Variants in PKP4 observed in about 807,000 individuals in gnomAD.
PKP4 encodes plakophilin-4.
PKP4 carries 90 observed loss-of-function variants against 145.1 expected under a neutral mutation model. The observed-to-expected ratio is 0.62, with a 90% CI of 0.52 to 0.74. PKP4 has a LOEUF of 0.74. Among genes scored for constraint, PKP4 ranks in the 30% least tolerant of loss-of-function variants. The probability of loss-of-function intolerance (pLI) is 0.00; values close to 1 mark genes in which losing one functional copy is unlikely to be tolerated. For synonymous variants in PKP4, 563 were observed against 577.2 expected, an observed-to-expected ratio of 0.98 and a Z score of 0.35; for missense variants, 1,340 against 1,482.7, an observed-to-expected ratio of 0.90 and a Z score of 1.58.
At chr2:158,676,039 C>A (rs1463064440) in intron 19 of PKP4, among the ~76,000 whole-genome samples, 1 of 152,078 alleles carries the variant, frequency 6.6e-6, no homozygotes, top group Non-Finnish European at 1.5e-5. Context: ...AGGATAGATA[C>A]GGTGTTACTA....
chr2:158,474,640 C>T (rs1692162039), intron 1 of PKP4, among the ~76,000 whole-genome samples: 2 of 152,114 alleles, frequency 1.3e-5, no homozygotes, highest in South Asian at 4.1e-4. Context: ...TCACCAGTGC[C>T]CTAAGGAAGA....
chr2:158,521,504 C>T lies in PKP4; in HGVS notation c.-5-11676C>T, dbSNP rs1168531245. ...CTACTATGCTGTTTGGCACAGAGCTCTCTTCTAAACAAATTCTTGCCAAGA... is the reference window on the plus strand; with the variant it reads ...CTACTATGCTGTTTGGCACAGAGCTTTCTTCTAAACAAATTCTTGCCAAGA... On this transcript the variant is annotated intron_variant, in intron 1 of 21. Transcript: ENST00000389759. Among the ~76,000 whole-genome samples the T allele has an allele frequency of 3.3e-5, 5 of 152,288 alleles. No homozygotes were observed. The South Asian group carries it at 8.3e-4, about 25-fold the overall frequency.
At chr2:158,477,715 C>T (rs1692704018) in intron 1 of PKP4, among the ~76,000 whole-genome samples, 1 of 152,192 alleles carries the variant, frequency 6.6e-6, no homozygotes, top group African/African-American at 2.4e-5. Flanking sequence ...CATGATGGCA[C>T]ATGCCTGTAA....
intron 2 of PKP4, among the ~76,000 whole-genome samples, chr2:158,570,106 A>G (rs892488760): frequency 5.3e-5 from 8 of 152,212 alleles, no homozygotes; most frequent in African/African-American, 1.9e-4. Flanking sequence ...ATGGTTTATC[A>G]GTTATTAAGT....
Position 158,574,513 on chromosome 2 carries a change from G to C in PKP4, c.133-2758G>C, listed in dbSNP as rs181972385. ...CTGTCCTCATCAGTCAGTCAAAGAG[G>C]CCAGTAGAGACTGAATTATCAAATA... is the stretch of plus-strand genomic sequence containing the variant. On this transcript the variant is annotated intron_variant, in intron 2 of 21. Transcript: ENST00000389759. Among the ~76,000 whole-genome samples the C allele has an allele frequency of 3.3e-5, 5 of 152,292 alleles. No individual in the cohort carries two copies. In the East Asian group the frequency reaches 5.8e-4, roughly 18 times the overall value.
At chr2:158,528,150 T>G (rs369184410) in intron 1 of PKP4, among the ~76,000 whole-genome samples, 1 of 141,968 alleles carries the variant, frequency 7.0e-6, no homozygotes, top group Non-Finnish European at 1.5e-5. Context: ...TATACCCAAA[T>G]GACTGTAAAT....
chr2:158,516,948 A>C (rs1461614530), intron 1 of PKP4, among the ~76,000 whole-genome samples: 3 of 152,178 alleles, frequency 2.0e-5, no homozygotes, highest in African/African-American at 7.2e-5. Context: ...GGCATGAGCC[A>C]CTGTGCCCGG....
intron 2 of PKP4, among the ~76,000 whole-genome samples, chr2:158,534,083 A>G (rs2043823671): frequency 6.6e-6 from 1 of 152,136 alleles, no homozygotes; most frequent in African/African-American, 2.4e-5. Context: ...TTTTGTTGAA[A>G]TAATCTAAGA....
At chr2:158,514,678 C>T (rs2041796515) in intron 1 of PKP4, among the ~76,000 whole-genome samples, 1 of 152,154 alleles carries the variant, frequency 6.6e-6, no homozygotes, top group South Asian at 2.1e-4. Flanking sequence ...TGGTGGCTCA[C>T]GCCTGTAATC....
rs541836200 is a variant in PKP4 at position 158,649,405 on chromosome 2, G to A, written c.1909+6706G>A. Among the ~76,000 whole-genome samples the A allele has an allele frequency of 7.9e-5, 12 of 152,010 alleles. No homozygotes were observed. The South Asian group carries it at 1.9e-3, about 24-fold the overall frequency. On this transcript the variant is annotated intron_variant, in intron 11 of 21. Transcript: ENST00000389759. Reference sequence around the variant, plus strand: ...TAAGATTACCACCAAAAAGGGAAAAGAAAAAAAGCCCCACAATAAACTACT... The same window carrying A: ...TAAGATTACCACCAAAAAGGGAAAAAAAAAAAAGCCCCACAATAAACTACT...
At chr2:158,458,418 T>C (rs1046686128) in intron 1 of PKP4, 1 of 152,558 alleles carries the variant, frequency 6.6e-6, no homozygotes, top group African/African-American at 2.4e-5. Context: ...TTTTGCTGCA[T>C]TGGTCTTCAG....
chr2:158,609,091 A>G (rs1366383450), intron 4 of PKP4, among the ~76,000 whole-genome samples: 1 of 152,138 alleles, frequency 6.6e-6, no homozygotes, highest in Admixed American at 6.5e-5. Context: ...TGCTGGGATT[A>G]CAGGCATGAG....
At chr2:158,629,976 C>T (rs1264297230) in intron 7 of PKP4, among the ~76,000 whole-genome samples, 3 of 152,166 alleles carry the variant, frequency 2.0e-5, no homozygotes, top group Admixed American at 6.5e-5. Flanking sequence ...TCGTGATCTA[C>T]GTGCCTCAGC....
intron 17 of PKP4, among the ~76,000 whole-genome samples, chr2:158,671,619 A>G (rs2057561228): frequency 6.6e-6 from 1 of 152,064 alleles, no homozygotes; most frequent in African/African-American, 2.4e-5. Flanking sequence ...CTTCTTTCAC[A>G]AGTACTTACT....
intron 4 of PKP4, among the ~76,000 whole-genome samples, chr2:158,616,107 A>G (rs2051584993): frequency 6.6e-6 from 1 of 152,216 alleles, no homozygotes; most frequent in Admixed American, 6.5e-5. Context: ...TTCTTAAAAT[A>G]TCTGTCAACT....
chr2:158,580,231 A>T (rs2048220675), intron 3 of PKP4, among the ~76,000 whole-genome samples: 1 of 152,168 alleles, frequency 6.6e-6, no homozygotes, highest in Non-Finnish European at 1.5e-5. Flanking sequence ...TAAAATCTCT[A>T]AGTAAAGTAC....
intron 1 of PKP4, among the ~76,000 whole-genome samples, chr2:158,460,583 A>G (rs907807566): frequency 4.6e-5 from 7 of 152,182 alleles, no homozygotes; most frequent in Admixed American, 2.6e-4. Flanking sequence ...TGAAATATTA[A>G]GGTATTTTGA....
chr2:158,534,023 T>C (rs1006051755), intron 2 of PKP4, among the ~76,000 whole-genome samples: 30 of 152,162 alleles, frequency 2.0e-4, no homozygotes, highest in African/African-American at 3.6e-4. Flanking sequence ...TGTTTTTTTT[T>C]CCCTGCTTCT....
intron 20 of PKP4, among the ~76,000 whole-genome samples, chr2:158,678,273 T>C (rs1380699720): frequency 1.3e-5 from 2 of 152,200 alleles, no homozygotes; most frequent in Non-Finnish European, 2.9e-5. Flanking sequence ...GGAGAAACCC[T>C]CCCACATGTG....
Sources: allele counts gnomAD v4.1 joint callset (sites outside exome capture counted in the v4.1 genomes callset), GRCh38; gene constraint gnomAD v4.1.1; transcripts MANE v1.5; gene names NCBI Gene and HGNC (gene_info 2026-07-23, HGNC 2026-07-21).